Variants in CREB1 observed in about 807,000 individuals in gnomAD.
CREB1 encodes cAMP responsive element binding protein 1, also known as cyclic AMP-responsive element-binding protein 1.
Under a neutral mutation model 42.0 loss-of-function variants are expected in CREB1, and 2 were observed. The observed-to-expected ratio is 0.05, with a 90% CI of 0.02 to 0.15. The LOEUF is 0.15. Among genes scored for constraint, CREB1 ranks in the 10% least tolerant of loss-of-function variants. CREB1 has a pLI of 1.00. For missense variants in CREB1, 199 were observed against 388.9 expected, an observed-to-expected ratio of 0.51 and a Z score of 4.11; for synonymous variants, 123 against 139.9, an observed-to-expected ratio of 0.88 and a Z score of 0.85.
rs965225935 is a variant in CREB1, at chr2:207,603,202, GAAA to G, written c.*6149_*6151del. 7.0e-5 allele frequency: 15 copies of G among 215,746 alleles called. No individual in the cohort carries two copies. Among genetic ancestry groups the G allele is most frequent in the African/African-American group, 3.2e-4 (14 of 44,368 alleles). The allele number at this position is 215,746 out of a possible 1,614,324, so 13.4% of individuals were successfully genotyped here. A position where few individuals can be genotyped will look rare whatever the true frequency, so the allele number is the denominator to read the frequency against. On this transcript the variant is annotated 3_prime_UTR_variant, in exon 8 of 8. Transcript: ENST00000353267. ...AATCTTTTTGTGCTTTATGTGTAAA[GAAA>G]AAAATGTACTGAGTTACAATGCATT...
At chr2:207,594,586 T>A (rs1385733101) in intron 7 of CREB1, among the ~76,000 whole-genome samples, 1 of 152,224 alleles carries the variant, frequency 6.6e-6, no homozygotes, top group African/African-American at 2.4e-5. Flanking sequence ...TTACATTGTA[T>A]GTATATACCA....
At position 207,600,105 on chromosome 2, in the gene CREB1, T is replaced by C. The variant is rs1189588565; in HGVS notation, c.*3047T>C. 5.4e-6 allele frequency: 1 copy of C among 186,034 alleles called. No individual in the cohort carries two copies. The highest frequency in any genetic ancestry group is 1.1e-5 in the Non-Finnish European group (1 of 88,016). 11.5% of individuals were successfully genotyped at this position (186,034 alleles called of 1,614,324 possible). Reference sequence around the variant, plus strand: ...ATCCAATGTGTTCATTATTAAATAATTGCTATCAGATACAATTTTAAGTTC... The same window carrying C: ...ATCCAATGTGTTCATTATTAAATAACTGCTATCAGATACAATTTTAAGTTC... On this transcript the variant is annotated 3_prime_UTR_variant, in exon 8 of 8. Transcript: ENST00000353267.
intron 7 of CREB1, among the ~76,000 whole-genome samples, chr2:207,587,286 G>GGGA (rs1245820570): frequency 2.6e-5 from 4 of 151,714 alleles, no homozygotes; most frequent in Non-Finnish European, 5.9e-5. Context: ...CCAGCTACTC[G>GGGA]GGAGGCTGAG....
intron 7 of CREB1, among the ~76,000 whole-genome samples, chr2:207,592,017 T>C (rs903901896): frequency 1.3e-5 from 2 of 152,344 alleles, no homozygotes; most frequent in Non-Finnish European, 2.9e-5. Context: ...TTTACATTTC[T>C]TAGAAAATAG....
chr2:207,547,704 A>G (rs1305481015), intron 1 of CREB1, among the ~76,000 whole-genome samples: 1 of 151,834 alleles, frequency 6.6e-6, no homozygotes, highest in East Asian at 1.9e-4. Flanking sequence ...GCTAAGCAAC[A>G]CTGTCTCTTG....
rs1345559360 is a variant in CREB1 at position 207,557,981 on chromosome 2, G to T, written c.114+2232G>T. ...ATGAGATACTCTGAATAAGGTTATG[G>T]TTCTCAAACTTCAGTGTACGGGAAA... On this transcript the variant is annotated intron_variant, in intron 2 of 7. Transcript: ENST00000353267. 1.3e-5 allele frequency among the ~76,000 whole-genome samples: 2 copies of T among 152,152 alleles called. 1 individual carries two copies. The highest frequency in any genetic ancestry group is 2.9e-5 in the Non-Finnish European group (2 of 68,010).
rs1240293169 is a variant in CREB1 at position 207,604,380 on chromosome 2, C to T, written c.*7322C>T. ...CTTCCTTCCGCTGGTTTTTCCATCT[C>T]GTAAGTGGTGCCACTATCCATCTGT... is the stretch of plus-strand genomic sequence containing the variant. On this transcript the variant is annotated 3_prime_UTR_variant, in exon 8 of 8. Transcript: ENST00000353267. Among the ~76,000 whole-genome samples, 1 of 152,142 alleles carries T rather than the reference C, an allele frequency of 6.6e-6. No homozygotes were observed. The highest frequency in any genetic ancestry group is 1.5e-5 in the Non-Finnish European group (1 of 68,026).
chr2:207,560,550 CAAACATAAAAGAAAATGACT>C (rs1432730578), intron 3 of CREB1, among the ~76,000 whole-genome samples, 178 bp downstream of exon 3: 1 of 151,894 alleles, frequency 6.6e-6, no homozygotes, highest in Non-Finnish European at 1.5e-5. Context: ...TACAGAAGAA[CAAACATAAAAGAAAATGACT>C]AATTTCTTAA....
rs759429428 is a variant in CREB1 at position 207,603,362 on chromosome 2, A to G, written c.*6304A>G. 10 of 224,416 alleles carry G rather than the reference A, an allele frequency of 4.5e-5. No individual in the cohort carries two copies. Among genetic ancestry groups the G allele is most frequent in the African/African-American group, 8.9e-5 (4 of 44,860 alleles). 13.9% of individuals were successfully genotyped at this position (224,416 alleles called of 1,614,324 possible). ...TTTTTCTTACTGTAATCTTTGTGGT[A>G]TCAACTGTCATAATGCTCTTTTTAC... On this transcript the variant is annotated 3_prime_UTR_variant, in exon 8 of 8. Coordinates refer to ENST00000353267, the MANE Select transcript of CREB1 (RefSeq NM_004379.5).
intron 6 of CREB1, chr2:207,577,219 C>A: frequency 8.9e-7 from 1 of 1,119,678 alleles, no homozygotes; most frequent in Non-Finnish European, 1.1e-6. Context: ...ACCTTTTAGA[C>A]TTAAGGTTGG....
chr2:207,575,650 T>C (rs2082543338), intron 6 of CREB1, among the ~76,000 whole-genome samples, 196 bp downstream of exon 6: 1 of 152,140 alleles, frequency 6.6e-6, no homozygotes, highest in African/African-American at 2.4e-5. Flanking sequence ...AAAACAACTA[T>C]TTTCAGTTTT....
chr2:207,582,936 C>CAT, intron 7 of CREB1: 1 of 219,666 alleles, frequency 4.6e-6, no homozygotes, highest in Non-Finnish European at 9.4e-6. Context: ...TATATACATA[C>CAT]ACACACACAT....
intron 3 of CREB1, among the ~76,000 whole-genome samples, chr2:207,561,975 T>C (rs1483450259): frequency 6.6e-6 from 1 of 152,198 alleles, no homozygotes; most frequent in Non-Finnish European, 1.5e-5. Context: ...AAATCATCAG[T>C]TGGATCAATT....
intron 1 of CREB1, among the ~76,000 whole-genome samples, chr2:207,554,082 C>A (rs2081621427): frequency 6.6e-6 from 1 of 152,182 alleles, no homozygotes; most frequent in East Asian, 1.9e-4. Context: ...AGCTACATCT[C>A]TGGATATTAC....
intron 7 of CREB1, among the ~76,000 whole-genome samples, chr2:207,596,612 A>G (rs1250758958): frequency 1.3e-5 from 2 of 152,022 alleles, no homozygotes; most frequent in Non-Finnish European, 2.9e-5. Flanking sequence ...TTTTGTGTTT[A>G]TAGTAGAGAG....
At chr2:207,551,259 A>T (rs896102752) in intron 1 of CREB1, among the ~76,000 whole-genome samples, 1 of 152,212 alleles carries the variant, frequency 6.6e-6, no homozygotes, top group Admixed American at 6.5e-5. Context: ...ACTACATTTT[A>T]AACTTTTTAA....
chr2:207,571,666 G>C, intron 5 of CREB1: 4 of 443,870 alleles, frequency 9.0e-6, no homozygotes, highest in Non-Finnish European at 9.1e-6. Flanking sequence ...CATACCAGAT[G>C]CTTTTAGTTA....
intron 7 of CREB1, among the ~76,000 whole-genome samples, chr2:207,592,911 C>CAAAAAAGAAAAAAGAAAAGAA (rs146008919): frequency 6.9e-6 from 1 of 145,122 alleles, no homozygotes; most frequent in South Asian, 2.2e-4. Context: ...GACTCCATCT[C>CAAAAAAGAAAAAAGAAAAGAA]AAAAAAGAAA....
In CREB1 at chr2:207,598,452, AT is replaced by A. The variant is rs1431693617; in HGVS notation, c.*1396del. 1 of 179,440 alleles carries A rather than the reference AT, an allele frequency of 5.6e-6. No homozygotes were observed. Among genetic ancestry groups the A allele is most frequent in the Non-Finnish European group, 1.2e-5 (1 of 85,328 alleles). The allele number at this position is 179,440 out of a possible 1,614,324, so 11.1% of individuals were successfully genotyped here. On this transcript the variant is annotated 3_prime_UTR_variant, in exon 8 of 8. Transcript: ENST00000353267. ...ACCACTTTTAATTGTTACTCATTTT[AT>A]TCACTAAGCTCGATAAATCTAACAG...
Sources: gnomAD v4.1 joint callset for allele counts (sites outside exome capture counted in the v4.1 genomes callset) on GRCh38, gnomAD v4.1.1 for gene constraint, MANE v1.5 for transcripts, NCBI Gene and HGNC (gene_info 2026-07-23, HGNC 2026-07-21) for gene names.